Variants in POU1F1 observed in about 807,000 individuals in gnomAD.
POU1F1 encodes the protein POU class 1 homeobox 1.
In POU1F1, 23 loss-of-function variants were observed where a neutral mutation model predicts 32.3. The observed-to-expected ratio is 0.71, with a 90% CI of 0.51 to 1.01. The LOEUF (loss-of-function observed/expected upper bound fraction) is 1.01. Among genes scored for constraint, POU1F1 ranks in the 50% least tolerant of loss-of-function variants. POU1F1 has a pLI of 0.00. For synonymous variants in POU1F1, 120 were observed against 115.6 expected, an observed-to-expected ratio of 1.04 and a Z score of -0.25; for missense variants, 323 against 341.6, an observed-to-expected ratio of 0.95 and a Z score of 0.43.
At chr3:87,268,039 AG>A (rs1706656269) in intron 2 of POU1F1, among the ~76,000 whole-genome samples, 1 of 151,556 alleles carries the variant, frequency 6.6e-6, no homozygotes. Context: ...CAGAACAAGA[AG>A]GAAAATGTGA....
chr3:87,263,714 T>C (rs1706555437), intron 3 of POU1F1, among the ~76,000 whole-genome samples: 1 of 152,084 alleles, frequency 6.6e-6, no homozygotes, highest in South Asian at 2.1e-4. Context: ...AGAAACCACC[T>C]AAATTTCATC....
intron 5 of POU1F1, among the ~76,000 whole-genome samples, chr3:87,260,822 A>G (rs1364367819): frequency 2.6e-5 from 4 of 151,848 alleles, no homozygotes; most frequent in Non-Finnish European, 5.9e-5. Flanking sequence ...GTTGAAAATT[A>G]TTAGCTCTCC....
intron 2 of POU1F1, 136 bp from the exon 3 acceptor site, chr3:87,264,648 T>C: frequency 1.4e-6 from 1 of 708,550 alleles, no homozygotes; most frequent in Non-Finnish European, 2.4e-6. Context: ...TACCTTACAT[T>C]CAGTCTTCCG....
Position 87,259,778 on chromosome 3 carries a change from T to G in POU1F1, c.*116A>C. The G allele has an allele frequency of 3.6e-6, 3 of 832,628 alleles. No individual in the cohort carries two copies. Among genetic ancestry groups the G allele is most frequent in the Non-Finnish European group, 3.8e-6 (2 of 526,056 alleles). 51.6% of individuals were successfully genotyped at this position (832,628 alleles called of 1,614,324 possible). A position where few individuals can be genotyped will look rare whatever the true frequency, so the allele number is the denominator to read the frequency against. On this transcript the variant is annotated 3_prime_UTR_variant, in exon 6 of 6. Coordinates refer to ENST00000350375, the MANE Select transcript of POU1F1 (RefSeq NM_000306.4). ...TTAAAAAAAAGTGGAAAAGTAAAGCTTCTGTAAAAGCTATTGATATAAAAT... is the reference window on the plus strand; with the variant it reads ...TTAAAAAAAAGTGGAAAAGTAAAGCGTCTGTAAAAGCTATTGATATAAAAT...
At chr3:87,275,368 T>C (rs780930049) in intron 1 of POU1F1, among the ~76,000 whole-genome samples, 21 of 152,156 alleles carry the variant, frequency 1.4e-4, no homozygotes, top group African/African-American at 5.1e-4. Context: ...AAATGCTTAA[T>C]AATAACAAAA....
intron 1 of POU1F1, 161 bp from the exon 2 acceptor site, chr3:87,273,579 C>A (rs1706767084): frequency 1.5e-6 from 2 of 1,342,428 alleles, no homozygotes; most frequent in Admixed American, 5.3e-5. Context: ...AAGTTACATG[C>A]CAATATGTTT....
intron 2 of POU1F1, among the ~76,000 whole-genome samples, chr3:87,267,704 C>T (rs1706649277): frequency 6.6e-6 from 1 of 152,070 alleles, no homozygotes; most frequent in South Asian, 2.1e-4. Flanking sequence ...AATTTCTGGC[C>T]TCAAGCCATC....
At chr3:87,269,808 G>C (rs1706693392) in intron 2 of POU1F1, among the ~76,000 whole-genome samples, 1 of 151,824 alleles carries the variant, frequency 6.6e-6, no homozygotes, top group Admixed American at 6.6e-5. Context: ...TTTTCCCCTT[G>C]AAATTAACTT....
rs775273679 is a variant in POU1F1, at chr3:87,260,016, T to A, written c.754A>T (p.Asn252Tyr). ...ACTCTTACTACTTCTTTCTCCAGAT[T>A]CAGTTCTTCAGCCATCCTCATGATC... ...QEIMRMAEELNLEKEVVRVWF... is the reference protein window; with the variant it reads ...QEIMRMAEELYLEKEVVRVWF... The change falls in exon 6 of 6, where the codon AAT becomes TAT. Residue 252 changes from asparagine to tyrosine, a missense_variant. Physicochemically the swap from Asn to Tyr is moderately radical, Grantham distance 143. Coordinates refer to ENST00000350375, the MANE Select transcript of POU1F1 (RefSeq NM_000306.4). 1.2e-6 allele frequency: 2 copies of A among 1,614,126 alleles called. No homozygotes were observed. Among genetic ancestry groups the A allele is most frequent in the East Asian group, 2.2e-5 (1 of 44,858 alleles).
At chr3:87,273,902 T>C (rs1042351263) in intron 1 of POU1F1, among the ~76,000 whole-genome samples, 1 of 152,180 alleles carries the variant, frequency 6.6e-6, no homozygotes, top group African/African-American at 2.4e-5. Flanking sequence ...AAATTCACTC[T>C]TGAACAGCGT....
intron 1 of POU1F1, among the ~76,000 whole-genome samples, chr3:87,274,306 G>C (rs1706787761): frequency 6.6e-6 from 1 of 151,950 alleles, no homozygotes; most frequent in African/African-American, 2.4e-5. Context: ...AGTTGATAGG[G>C]AGCACAAAAT....
rs1298108345 is a variant in POU1F1, at chr3:87,261,345, A to G, written c.605-12T>C. 6.3e-7 allele frequency: 1 copy of G among 1,575,340 alleles called. No homozygotes were observed. The highest frequency in any genetic ancestry group is 1.1e-5 in the South Asian group (1 of 88,582). On this transcript the variant is annotated splice_polypyrimidine_tract_variant and intron_variant, in intron 4 of 5. Transcript: ENST00000350375. ...TTCATTGTACAAAGCTATAATGTGGAAAAGAGAGATAATTACAAACACAAA... is the reference window on the plus strand; with the variant it reads ...TTCATTGTACAAAGCTATAATGTGGGAAAGAGAGATAATTACAAACACAAA...
Position 87,259,750 on chromosome 3 carries a change from T to G in POU1F1, c.*144A>C. On this transcript the variant is annotated 3_prime_UTR_variant, in exon 6 of 6. Transcript: ENST00000350375. ...TATAATTTAAATTGTTGGTTTCTTT[T>G]TTTTAAAAAAAAGTGGAAAAGTAAA... 1.4e-6 allele frequency: 1 copy of G among 690,600 alleles called. No homozygotes were observed. Among genetic ancestry groups the G allele is most frequent in the Non-Finnish European group, 2.4e-6 (1 of 413,912 alleles). The allele number at this position is 690,600 out of a possible 1,614,324, so 42.8% of individuals were successfully genotyped here.
At chr3:87,273,877 T>C (rs1000190392) in intron 1 of POU1F1, among the ~76,000 whole-genome samples, 10 of 152,186 alleles carry the variant, frequency 6.6e-5, no homozygotes, top group South Asian at 2.1e-4. Flanking sequence ...AAGCAGTCTG[T>C]ATGAATGAAT....
At chr3:87,261,676 C>T (rs1706517107) in intron 4 of POU1F1, among the ~76,000 whole-genome samples, 1 of 151,984 alleles carries the variant, frequency 6.6e-6, no homozygotes, top group Admixed American at 6.6e-5. Flanking sequence ...CTAGCAATTG[C>T]TTATATTATT....
chr3:87,268,359 G>T (rs551295748), intron 2 of POU1F1, among the ~76,000 whole-genome samples: 2 of 151,692 alleles, frequency 1.3e-5, no homozygotes, highest in African/African-American at 4.8e-5. Context: ...TGCCTGCCTC[G>T]GCCTCCTAAA....
intron 2 of POU1F1, among the ~76,000 whole-genome samples, chr3:87,265,187 C>A (rs542264139): frequency 6.6e-6 from 1 of 151,816 alleles, no homozygotes; most frequent in African/African-American, 2.4e-5. Context: ...CTTAAAAGTT[C>A]TATTAAAAAG....
chr3:87,266,944 A>G (rs1219123240), intron 2 of POU1F1, among the ~76,000 whole-genome samples: 1 of 152,114 alleles, frequency 6.6e-6, no homozygotes, highest in Non-Finnish European at 1.5e-5. Context: ...GTATCACTTA[A>G]TACATTTAAT....
intron 5 of POU1F1, 142 bp from the exon 6 acceptor site, chr3:87,260,246 T>C: frequency 1.5e-6 from 1 of 674,724 alleles, no homozygotes; most frequent in Non-Finnish European, 2.6e-6. Flanking sequence ...GCAGGACACT[T>C]TAACAAGGAC....
Sources: allele counts gnomAD v4.1 joint callset (sites outside exome capture counted in the v4.1 genomes callset), GRCh38; gene constraint gnomAD v4.1.1; transcripts MANE v1.5; gene names NCBI Gene and HGNC (gene_info 2026-07-23, HGNC 2026-07-21).